Variants in KCNH1 observed in about 807,000 individuals in gnomAD.
KCNH1 encodes voltage-gated delayed rectifier potassium channel KCNH1.
A neutral mutation model predicts 69.2 loss-of-function variants in KCNH1; 27 were observed. The ratio of observed to expected loss-of-function variants is 0.39; its 90% CI spans 0.29 to 0.54. KCNH1 has a LOEUF of 0.54. KCNH1 is among the 20% of genes least tolerant of loss of function. The pLI is 0.68. For synonymous variants in KCNH1, 456 were observed against 487.7 expected, an observed-to-expected ratio of 0.93 and a Z score of 0.86; for missense variants, 798 against 1,261.6, an observed-to-expected ratio of 0.63 and a Z score of 5.57.
chr1:210,917,209 G>A, intron 7 of KCNH1, among the ~76,000 whole-genome samples: 1 of 77,168 alleles, frequency 1.3e-5, no homozygotes, highest in Non-Finnish European at 2.7e-5. Flanking sequence ...GAAAGGGACA[G>A]AGAGAGAGAG....
chr1:210,875,815 A>T (rs565386561), intron 7 of KCNH1, among the ~76,000 whole-genome samples: 30 of 152,256 alleles, frequency 2.0e-4, no homozygotes, highest in South Asian at 8.3e-4. Context: ...AAAAAAAAAA[A>T]AATAAATCAA....
chr1:210,787,397 T>C (rs908986739), intron 9 of KCNH1, among the ~76,000 whole-genome samples: 1 of 152,222 alleles, frequency 6.6e-6, no homozygotes, highest in African/African-American at 2.4e-5. Flanking sequence ...ATTACAGCTC[T>C]TGGCTCTATG....
At chr1:210,735,840 G>C (rs1418165962) in intron 10 of KCNH1, among the ~76,000 whole-genome samples, 1 of 151,826 alleles carries the variant, frequency 6.6e-6, no homozygotes, top group Admixed American at 6.6e-5. Flanking sequence ...GAGAGAGAGA[G>C]AGCGCACAAG....
chr1:211,082,185 T>C (rs1027742500), intron 5 of KCNH1, among the ~76,000 whole-genome samples: 7 of 152,138 alleles, frequency 4.6e-5, no homozygotes, highest in African/African-American at 1.7e-4. Flanking sequence ...TTTATTAAGA[T>C]GTAAAAATGT....
chr1:210,884,852 T>C (rs1246375917), intron 7 of KCNH1, among the ~76,000 whole-genome samples: 1 of 152,198 alleles, frequency 6.6e-6, no homozygotes, highest in African/African-American at 2.4e-5. Context: ...CTGTCTTCCA[T>C]CCCTTCTGGA....
intron 6 of KCNH1, among the ~76,000 whole-genome samples, chr1:210,958,149 T>C (rs1688217017): frequency 6.6e-6 from 1 of 152,156 alleles, no homozygotes; most frequent in Admixed American, 6.5e-5. Flanking sequence ...CTGTAAAGGA[T>C]TTTATTTCTC....
intron 6 of KCNH1, among the ~76,000 whole-genome samples, chr1:211,002,029 G>C (rs1032511792): frequency 6.6e-6 from 1 of 151,640 alleles, no homozygotes; most frequent in Non-Finnish European, 1.5e-5. Flanking sequence ...GGGGGAGTGG[G>C]GGGGGATAGC....
chr1:210,827,968 C>T lies in KCNH1; in HGVS notation c.1463-23802G>A, dbSNP rs138380910. Among the ~76,000 whole-genome samples the T allele has an allele frequency of 7.1e-3, 1,075 of 152,208 alleles. 7 individuals are homozygous for T. Among genetic ancestry groups the T allele is most frequent in the Non-Finnish European group, 0.012 (830 of 68,006 alleles). On this transcript the variant is annotated intron_variant, in intron 7 of 10. Coordinates refer to ENST00000271751, the MANE Select transcript of KCNH1 (RefSeq NM_172362.3). The stretch of plus-strand genomic sequence containing the variant: ...GGTGGAGTCATTCTCATGTCTCAGC[C>T]TCCTGAGTAGCTGTGATTACAGGTG...
At chr1:210,821,660 T>C (rs1287392587) in intron 7 of KCNH1, among the ~76,000 whole-genome samples, 2 of 152,062 alleles carry the variant, frequency 1.3e-5, no homozygotes, top group Non-Finnish European at 2.9e-5. Flanking sequence ...ATTTCACAAC[T>C]GGCTATTTAA....
chr1:210,831,398 T>G (rs1685159569), intron 7 of KCNH1, among the ~76,000 whole-genome samples: 1 of 152,230 alleles, frequency 6.6e-6, no homozygotes, highest in East Asian at 1.9e-4. Context: ...TAATGAGTTT[T>G]GTAAATTACC....
intron 1 of KCNH1, among the ~76,000 whole-genome samples, chr1:211,124,628 AAGAGAG>A (rs535465737): frequency 6.6e-6 from 1 of 151,268 alleles, no homozygotes; most frequent in Non-Finnish European, 1.5e-5. Context: ...GAAAGAAAGA[AAGAGAG>A]AGAGAGAGAG....
chr1:210,705,477 G>A (rs1404354943), intron 10 of KCNH1, among the ~76,000 whole-genome samples: 1 of 152,236 alleles, frequency 6.6e-6, no homozygotes, highest in African/African-American at 2.4e-5. Flanking sequence ...TCTTGGGGCT[G>A]GCTGTCCCAG....
chr1:210,902,553 G>GT (rs1483715658), intron 7 of KCNH1, among the ~76,000 whole-genome samples: 2 of 152,160 alleles, frequency 1.3e-5, no homozygotes, highest in Admixed American at 6.5e-5. Flanking sequence ...CAGCCCGTCT[G>GT]TTTCCCACTG....
chr1:211,128,823 T>C (rs1377931975), intron 1 of KCNH1, among the ~76,000 whole-genome samples: 1 of 152,022 alleles, frequency 6.6e-6, no homozygotes, highest in East Asian at 1.9e-4. Flanking sequence ...TGCAAATAAG[T>C]GGTAGCTATA....
At chr1:210,805,458 C>G (rs1015000695) in intron 7 of KCNH1, among the ~76,000 whole-genome samples, 1 of 152,082 alleles carries the variant, frequency 6.6e-6, no homozygotes, top group Non-Finnish European at 1.5e-5. Context: ...TCCCTCCCTC[C>G]CATCCCCACC....
chr1:211,038,856 A>G (rs1043263882), intron 5 of KCNH1, among the ~76,000 whole-genome samples: 1 of 152,214 alleles, frequency 6.6e-6, no homozygotes, highest in African/African-American at 2.4e-5. Flanking sequence ...AAACAGCATA[A>G]AAGTTCAGAA....
chr1:210,895,804 T>C (rs1268314639), intron 7 of KCNH1, among the ~76,000 whole-genome samples: 1 of 152,046 alleles, frequency 6.6e-6, no homozygotes, highest in Non-Finnish European at 1.5e-5. Flanking sequence ...TGGACCTAGA[T>C]TGGCAGGACT....
At chr1:210,854,181 C>A (rs1685776924) in intron 7 of KCNH1, among the ~76,000 whole-genome samples, 1 of 152,036 alleles carries the variant, frequency 6.6e-6, no homozygotes, top group Non-Finnish European at 1.5e-5. Flanking sequence ...TTAAAAACCA[C>A]AAATCTTGTT....
intron 3 of KCNH1, among the ~76,000 whole-genome samples, chr1:211,101,155 G>A (rs1691249946): frequency 6.6e-6 from 1 of 152,182 alleles, no homozygotes; most frequent in Admixed American, 6.5e-5. Context: ...CACCATCAAA[G>A]CCCTTATGGC....
Sources: allele counts gnomAD v4.1 joint callset (sites outside exome capture counted in the v4.1 genomes callset), GRCh38; gene constraint gnomAD v4.1.1; transcripts MANE v1.5; gene names NCBI Gene and HGNC (gene_info 2026-07-23, HGNC 2026-07-21).